The following WDFY1 variants were observed in gnomAD, a reference collection of about 807,000 sequenced individuals.
WDFY1 encodes WD repeat and FYVE domain containing 1.
WDFY1 carries 32 observed loss-of-function variants against 56.4 expected under a neutral mutation model. The ratio of observed to expected loss-of-function variants is 0.57; its 90% confidence interval spans 0.43 to 0.76. The LOEUF (loss-of-function observed/expected upper bound fraction) is 0.76. WDFY1 is among the 30% of genes least tolerant of loss of function. The pLI is 0.00. For synonymous variants in WDFY1, 192 were observed against 197.3 expected, an observed-to-expected ratio of 0.97 and a Z score of 0.23; for missense variants, 480 against 545.7, an observed-to-expected ratio of 0.88 and a Z score of 1.20.
At chr2:223,899,719 A>T (rs1334513546) in intron 5 of WDFY1, among the ~76,000 whole-genome samples, 1 of 152,158 alleles carries the variant, frequency 6.6e-6, no homozygotes. Context: ...GTACCACTCC[A>T]GCCTGGGTGA....
chr2:223,938,776 C>T (rs1689244859), intron 1 of WDFY1, among the ~76,000 whole-genome samples: 1 of 151,438 alleles, frequency 6.6e-6, no homozygotes, highest in African/African-American at 2.4e-5. Flanking sequence ...TTACAGTGAA[C>T]TAGGTGGCTA....
intron 1 of WDFY1, among the ~76,000 whole-genome samples, chr2:223,930,359 C>T (rs763448959): frequency 6.6e-6 from 1 of 152,132 alleles, no homozygotes; most frequent in South Asian, 2.1e-4. Flanking sequence ...AGACGGAGTC[C>T]GGTTCTGTCA....
chr2:223,938,020 A>G (rs569088762), intron 1 of WDFY1, among the ~76,000 whole-genome samples: 10 of 152,290 alleles, frequency 6.6e-5, no homozygotes, highest in African/African-American at 2.4e-4. Flanking sequence ...AAGCAAATAT[A>G]TTACATATTT....
chr2:223,926,791 C>T (rs116476819), intron 1 of WDFY1, among the ~76,000 whole-genome samples: 5 of 152,254 alleles, frequency 3.3e-5, no homozygotes, highest in African/African-American at 1.2e-4. Flanking sequence ...CTTCAGCCTC[C>T]TGAGCAGCTG....
chr2:223,918,378 C>T (rs184234611), intron 1 of WDFY1, among the ~76,000 whole-genome samples: 1 of 152,238 alleles, frequency 6.6e-6, no homozygotes, highest in East Asian at 1.9e-4. Flanking sequence ...CCTATAATCC[C>T]AGCACACTGG....
intron 6 of WDFY1, among the ~76,000 whole-genome samples, chr2:223,897,219 T>C (rs904855426): frequency 2.6e-5 from 4 of 151,830 alleles, no homozygotes; most frequent in Non-Finnish European, 1.5e-5. Context: ...CAGTTCTCCA[T>C]AAACCAGATG....
intron 8 of WDFY1, among the ~76,000 whole-genome samples, chr2:223,891,314 C>G (rs989593440): frequency 7.3e-6 from 1 of 137,596 alleles, no homozygotes; most frequent in Non-Finnish European, 1.5e-5. Context: ...AACTAGGATG[C>G]GAAGGTTGCA....
intron 1 of WDFY1, among the ~76,000 whole-genome samples, chr2:223,942,043 C>T (rs1347761681): frequency 6.6e-6 from 1 of 152,086 alleles, no homozygotes; most frequent in Non-Finnish European, 1.5e-5. Flanking sequence ...CAGTGGTGCA[C>T]GAGTGAAAAA....
At chr2:223,899,251 T>C in intron 5 of WDFY1, 181 bp from the exon 6 acceptor site, 1 of 524,114 alleles carries the variant, frequency 1.9e-6, no homozygotes, top group Non-Finnish European at 3.4e-6. Context: ...ATGCAATATG[T>C]AAATATTGAA....
chr2:223,942,055 T>C (rs549072798), intron 1 of WDFY1, among the ~76,000 whole-genome samples: 1 of 152,312 alleles, frequency 6.6e-6, no homozygotes, highest in East Asian at 1.9e-4. Context: ...AGTGAAAAAG[T>C]GAGCAGATGC....
chr2:223,888,087 C>T (rs1693202296), intron 8 of WDFY1, among the ~76,000 whole-genome samples: 1 of 40,100 alleles, frequency 2.5e-5, no homozygotes, highest in Non-Finnish European at 1.5e-4. Flanking sequence ...ATTAAATTTA[C>T]ACTTTTTTTT....
intron 1 of WDFY1, among the ~76,000 whole-genome samples, chr2:223,919,034 G>A (rs892612204): frequency 2.0e-5 from 3 of 152,336 alleles, no homozygotes; most frequent in African/African-American, 2.4e-5. Flanking sequence ...AACAATGGGA[G>A]TCCTGCAGTT....
chr2:223,906,943 A>G (rs1243146062), intron 3 of WDFY1, among the ~76,000 whole-genome samples: 3 of 128,166 alleles, frequency 2.3e-5, no homozygotes, highest in African/African-American at 9.1e-5. Flanking sequence ...AAAAATCACG[A>G]ATTACTACTA....
rs74911771 is a variant in WDFY1 at position 223,909,030 on chromosome 2, T to G, written c.280-3029A>C. Among the ~76,000 whole-genome samples, 290 of 152,272 alleles carry G rather than the reference T, an allele frequency of 1.9e-3. 1 individual carries two copies. Among genetic ancestry groups the G allele is most frequent in the African/African-American group, 6.8e-3 (283 of 41,544 alleles). ...GCACCTGCACTTTCAGCCTTGTCCCTTCAAAGCCTGCTACAAATTTCTGAG... is the reference window on the plus strand; with the variant it reads ...GCACCTGCACTTTCAGCCTTGTCCCGTCAAAGCCTGCTACAAATTTCTGAG... On this transcript the variant is annotated intron_variant, in intron 3 of 11. Transcript: ENST00000233055.
intron 2 of WDFY1, among the ~76,000 whole-genome samples, chr2:223,914,343 T>C (rs1035653983): frequency 3.9e-5 from 6 of 152,160 alleles, no homozygotes; most frequent in African/African-American, 1.4e-4. Context: ...CAAAATCAAA[T>C]GTTTAAAACT....
At chr2:223,928,826 G>T (rs945372831) in intron 1 of WDFY1, among the ~76,000 whole-genome samples, 3 of 152,214 alleles carry the variant, frequency 2.0e-5, no homozygotes, top group Non-Finnish European at 4.4e-5. Flanking sequence ...CTTGGGTCAG[G>T]CTTGGGATTC....
At chr2:223,917,901 A>G (rs763324172) in intron 2 of WDFY1, 42 bp downstream of exon 2, 13 of 1,608,928 alleles carry the variant, frequency 8.1e-6, no homozygotes, top group Non-Finnish European at 1.0e-5. Context: ...CATCAAAAAC[A>G]TTAGAGACAT....
At chr2:223,938,738 G>A (rs746393362) in intron 1 of WDFY1, among the ~76,000 whole-genome samples, 3 of 152,040 alleles carry the variant, frequency 2.0e-5, no homozygotes, top group South Asian at 4.1e-4. Context: ...AGTGCTGACC[G>A]TATCTAGCTT....
intron 1 of WDFY1, among the ~76,000 whole-genome samples, chr2:223,931,615 A>G (rs1422854992): frequency 6.6e-6 from 1 of 152,122 alleles, no homozygotes; most frequent in Non-Finnish European, 1.5e-5. Flanking sequence ...TCAAGGTACA[A>G]TTTTTTCCTC....
Sources: allele counts gnomAD v4.1 joint callset (sites outside exome capture counted in the v4.1 genomes callset), GRCh38; gene constraint gnomAD v4.1.1; transcripts MANE v1.5; gene names NCBI Gene and HGNC (gene_info 2026-07-23, HGNC 2026-07-21).